The following SAMD12 variants were observed in gnomAD, a reference collection of about 807,000 sequenced individuals.
The protein encoded by SAMD12 is sterile alpha motif domain containing 12.
Under a neutral mutation model 15.0 loss-of-function variants are expected in SAMD12, and 9 were observed. The ratio of observed to expected loss-of-function variants is 0.60; its 90% CI spans 0.36 to 1.05. The LOEUF is 1.05. SAMD12 is among the 50% of genes least tolerant of loss of function. The pLI is 0.01. For synonymous variants in SAMD12, 86 were observed against 90.1 expected, an observed-to-expected ratio of 0.96 and a Z score of 0.25; for missense variants, 230 against 234.2, an observed-to-expected ratio of 0.98 and a Z score of 0.12.
chr8:118,266,914 G>A (rs750217987), intron 4 of SAMD12, among the ~76,000 whole-genome samples: 8 of 152,060 alleles, frequency 5.3e-5, no homozygotes, highest in Non-Finnish European at 8.8e-5. Context: ...GAGATCCATT[G>A]TACAACATGG....
Position 118,444,368 on chromosome 8 carries a change from C to T in SAMD12, c.193-4407G>A, listed in dbSNP as rs139636825. Among the ~76,000 whole-genome samples the T allele has an allele frequency of 4.3e-3, 652 of 152,218 alleles. 6 individuals carry two copies. The highest frequency in any genetic ancestry group is 6.1e-3 in the Non-Finnish European group (413 of 68,026). Reference sequence around the variant, plus strand: ...TTATCTTAACCCCTATGCATAGTGACACCAAGCAGAATTCCAGACATTTCC... The same window carrying T: ...TTATCTTAACCCCTATGCATAGTGATACCAAGCAGAATTCCAGACATTTCC... On this transcript the variant is annotated intron_variant, in intron 2 of 3. Transcript: ENST00000314727.
At chr8:118,582,529 G>A (rs1827322220) in intron 1 of SAMD12, among the ~76,000 whole-genome samples, 1 of 152,094 alleles carries the variant, frequency 6.6e-6, no homozygotes. Context: ...TCTTCTCCTA[G>A]TCTCTAAGCT....
At chr8:118,524,480 G>A (rs1266402097) in intron 2 of SAMD12, among the ~76,000 whole-genome samples, 1 of 151,998 alleles carries the variant, frequency 6.6e-6, no homozygotes, top group Non-Finnish European at 1.5e-5. Flanking sequence ...TTCAGTCACT[G>A]CAGCTCTGCT....
chr8:118,574,206 A>T (rs1439583063), intron 2 of SAMD12, among the ~76,000 whole-genome samples: 1 of 152,212 alleles, frequency 6.6e-6, no homozygotes, highest in East Asian at 1.9e-4. Flanking sequence ...CACTTTAGTA[A>T]TTTAGTAGTT....
the SAMD12 span, among the ~76,000 whole-genome samples, chr8:118,182,814 T>C: frequency 1.3e-5 from 2 of 152,200 alleles, no homozygotes; most frequent in African/African-American, 4.8e-5. Flanking sequence ...AATACCAATT[T>C]TGGAAGACAG....
At chr8:118,554,288 G>A (rs1172748066) in intron 2 of SAMD12, among the ~76,000 whole-genome samples, 2 of 152,058 alleles carry the variant, frequency 1.3e-5, no homozygotes, top group South Asian at 2.1e-4. Context: ...CAACCCAAAT[G>A]TCCAACAATG....
At chr8:118,390,646 T>G (rs1035419140) in intron 3 of SAMD12, among the ~76,000 whole-genome samples, 19 of 152,170 alleles carry the variant, frequency 1.2e-4, no homozygotes, top group African/African-American at 4.3e-4. Context: ...CTGGCAAGAA[T>G]ACACACAAAA....
At chr8:118,169,787 C>T in the SAMD12 span, among the ~76,000 whole-genome samples, 1 of 152,146 alleles carries the variant, frequency 6.6e-6, no homozygotes, top group Non-Finnish European at 1.5e-5. Flanking sequence ...AAAGTGCTAC[C>T]TCCAGGAGTC....
chr8:118,361,930 T>C (rs11785720), intron 4 of SAMD12, among the ~76,000 whole-genome samples: 31,712 of 152,204 alleles, frequency 0.21, 3,424 homozygotes, highest in South Asian at 0.27. Context: ...TAAATATAAA[T>C]GAATTCATTT....
intron 4 of SAMD12, among the ~76,000 whole-genome samples, chr8:118,335,938 T>C (rs1333475285): frequency 2.0e-5 from 3 of 152,162 alleles, no homozygotes; most frequent in African/African-American, 7.2e-5. Flanking sequence ...TTGCCCAGGC[T>C]GGTCTCTAAC....
At chr8:118,204,551 G>T (rs960979419) in intron 4 of SAMD12, among the ~76,000 whole-genome samples, 2 of 151,912 alleles carry the variant, frequency 1.3e-5, no homozygotes, top group Non-Finnish European at 2.9e-5. Flanking sequence ...TCAGAAGATC[G>T]ACACCATCCT....
At chr8:118,500,465 G>A (rs1824752750) in intron 2 of SAMD12, among the ~76,000 whole-genome samples, 1 of 151,006 alleles carries the variant, frequency 6.6e-6, no homozygotes, top group African/African-American at 2.4e-5. Flanking sequence ...AGGACATAGA[G>A]ACATGGGTTC....
At chr8:118,317,003 A>G in intron 4 of SAMD12, among the ~76,000 whole-genome samples, 1 of 152,098 alleles carries the variant, frequency 6.6e-6, no homozygotes, top group East Asian at 1.9e-4. Context: ...GGTGATTAGG[A>G]TAGGCACTAA....
At chr8:118,377,066 CTATG>C (rs1368579261), downstream of SAMD12, among the ~76,000 whole-genome samples, 1 of 151,820 alleles carries the variant, frequency 6.6e-6, no homozygotes, top group African/African-American at 2.4e-5. Context: ...TTCAATAAGG[CTATG>C]TATTTTCTGA....
intron 3 of SAMD12, among the ~76,000 whole-genome samples, chr8:118,394,183 T>C (rs771556600): frequency 6.6e-6 from 1 of 152,194 alleles, no homozygotes; most frequent in Non-Finnish European, 1.5e-5. Flanking sequence ...CAAAATTTGA[T>C]GTCAGCAGGT....
Position 118,505,367 on chromosome 8 carries a change from A to T in SAMD12, c.193-65406T>A, listed in dbSNP as rs573350388. 7.6e-5 allele frequency among the ~76,000 whole-genome samples: 11 copies of T among 144,760 alleles called. No homozygotes were observed. The South Asian group carries it at 2.2e-3, about 29-fold the overall frequency. 95.0% of individuals were successfully genotyped at this position (144,760 alleles called of 152,430 possible). ...TCTTTTTTTTTTTTTTTTTCAGGGC[A>T]GTATCATGGAAACTACACATCCCAG... On this transcript the variant is annotated intron_variant, in intron 2 of 3. Coordinates refer to ENST00000314727, the MANE Select transcript of SAMD12 (RefSeq NM_207506.3).
At chr8:118,133,012 A>C in the SAMD12 span, among the ~76,000 whole-genome samples, 8 of 109,256 alleles carry the variant, frequency 7.3e-5, no homozygotes, top group East Asian at 8.0e-4. Context: ...ATATATATAT[A>C]TATATATATA....
chr8:118,258,336 C>G (rs1255762168), intron 4 of SAMD12, among the ~76,000 whole-genome samples: 1 of 152,136 alleles, frequency 6.6e-6, no homozygotes, highest in Non-Finnish European at 1.5e-5. Context: ...CTTTCCTCAT[C>G]TGGATTTCTG....
chr8:118,342,626 A>G (rs1017485052), intron 4 of SAMD12, among the ~76,000 whole-genome samples: 17 of 152,230 alleles, frequency 1.1e-4, no homozygotes, highest in Non-Finnish European at 2.1e-4. Context: ...CAAAGGAAAG[A>G]AAAACAAAAA....
Sources: allele counts gnomAD v4.1 joint callset (sites outside exome capture counted in the v4.1 genomes callset), GRCh38; gene constraint gnomAD v4.1.1; transcripts MANE v1.5; gene names NCBI Gene and HGNC (gene_info 2026-07-23, HGNC 2026-07-21).